ASNS: variants seen among roughly 807,000 people sequenced by gnomAD.
The protein encoded by ASNS is asparagine synthetase [glutamine-hydrolyzing].
ASNS carries 37 observed loss-of-function variants against 62.6 expected under a neutral mutation model. That is an observed-to-expected ratio of 0.59 (90% CI 0.45 to 0.78). ASNS has a LOEUF of 0.78. ASNS is among the 30% of genes least tolerant of loss of function. The pLI is 0.00. For missense variants in ASNS, 520 were observed against 682.4 expected, an observed-to-expected ratio of 0.76 and a Z score of 2.65; for synonymous variants, 207 against 237.9, an observed-to-expected ratio of 0.87 and a Z score of 1.19.
At chr7:97,853,001 A>T in intron 12 of ASNS, 59 bp downstream of exon 12, 1 of 1,456,924 alleles carries the variant, frequency 6.9e-7, no homozygotes, top group Middle Eastern at 2.5e-4. Context: ...AATGAACAGC[A>T]ATGACAGCTC....
At chr7:97,896,726 A>ACACACAC in the ASNS span, among the ~76,000 whole-genome samples, 69 of 50,698 alleles carry the variant, frequency 1.4e-3, 1 homozygote, top group African/African-American at 4.6e-3. Flanking sequence ...ACACACACAC[A>ACACACAC]CACACACACA....
chr7:97,896,011 T>C, the ASNS span, among the ~76,000 whole-genome samples: 1 of 149,514 alleles, frequency 6.7e-6, no homozygotes, highest in Non-Finnish European at 1.5e-5. Flanking sequence ...ACAAAAAACC[T>C]CTACAATGAA....
the ASNS span, among the ~76,000 whole-genome samples, chr7:97,911,868 A>G: frequency 3.3e-5 from 5 of 152,138 alleles, no homozygotes; most frequent in African/African-American, 1.2e-4. Flanking sequence ...AAGATGAGTC[A>G]TGCCTTCAGC....
At chr7:97,894,754 C>T in the ASNS span, among the ~76,000 whole-genome samples, 2 of 152,082 alleles carry the variant, frequency 1.3e-5, no homozygotes, top group Non-Finnish European at 2.9e-5. Flanking sequence ...AAGAGAAAAG[C>T]CCTAGACTAG....
chr7:97,904,283 T>TTC, the ASNS span, among the ~76,000 whole-genome samples: 27 of 88,174 alleles, frequency 3.1e-4, no homozygotes, highest in African/African-American at 1.2e-3. Context: ...AACTACCAGT[T>TTC]TCACACACAC....
the ASNS span, among the ~76,000 whole-genome samples, chr7:97,919,257 AG>A: frequency 6.6e-6 from 1 of 152,234 alleles, no homozygotes; most frequent in East Asian, 1.9e-4. Context: ...CTAGGATTAC[AG>A]GTGCACACCA....
In ASNS at chr7:97,852,459, C is replaced by T. The variant is rs543190840; in HGVS notation, c.1486G>A (p.Ala496Thr). 1 of 1,614,086 alleles carries T rather than the reference C, an allele frequency of 6.2e-7. No homozygotes were observed. Among genetic ancestry groups the T allele is most frequent in the Admixed American group, 1.7e-5 (1 of 60,008 alleles). Residue 496 changes from alanine (A) to threonine (T), a missense_variant, in exon 13 of 13, where the codon GCA (alanine) becomes ACA (threonine). Physicochemically the swap from Ala to Thr is moderately conservative, Grantham distance 58. Transcript: ENST00000394308. Reference sequence around the variant, plus strand: ...TTCTGGGCTGCATTTGCCATCATTGCATCATCAACCTGTAAGAATAAGCAT... The same window carrying T: ...TTCTGGGCTGCATTTGCCATCATTGTATCATCAACCTGTAAGAATAAGCAT... ...QEYVEHQVDDAMMANAAQKFP... is the reference protein window; with the variant it reads ...QEYVEHQVDDTMMANAAQKFP...
chr7:97,906,863 A>G, the ASNS span: 1 of 152,144 alleles, frequency 6.6e-6, no homozygotes, highest in African/African-American at 2.4e-5. Context: ...AGTCAGGAGA[A>G]GATTGATATC....
At chr7:97,908,005 T>A in the ASNS span, among the ~76,000 whole-genome samples, 1 of 152,074 alleles carries the variant, frequency 6.6e-6, no homozygotes, top group Non-Finnish European at 1.5e-5. Context: ...AACTTGTGAA[T>A]TGAATGACCA....
the ASNS span, among the ~76,000 whole-genome samples, chr7:97,883,880 T>C: frequency 6.7e-6 from 1 of 149,452 alleles, no homozygotes; most frequent in Non-Finnish European, 1.5e-5. Context: ...CGCAGCTACT[T>C]GGGAGACTGA....
the ASNS span, among the ~76,000 whole-genome samples, chr7:97,923,550 C>T: frequency 1.3e-5 from 2 of 152,118 alleles, no homozygotes; most frequent in African/African-American, 2.4e-5. Context: ...CCATCTTGTC[C>T]GTCTCCACTC....
the ASNS span, among the ~76,000 whole-genome samples, chr7:97,894,879 G>A: frequency 6.6e-6 from 1 of 152,292 alleles, no homozygotes; most frequent in South Asian, 2.1e-4. Flanking sequence ...TATAAGGCCA[G>A]CATTACCCTG....
At chr7:97,896,522 G>A in the ASNS span, among the ~76,000 whole-genome samples, 5 of 147,094 alleles carry the variant, frequency 3.4e-5, no homozygotes, top group South Asian at 2.2e-4. Context: ...GCATGAACCC[G>A]GGAGGAAGAG....
chr7:97,897,745 C>T, the ASNS span, among the ~76,000 whole-genome samples: 50 of 152,194 alleles, frequency 3.3e-4, 1 homozygote, highest in East Asian at 8.9e-3. Context: ...TGCAGCAATC[C>T]CACTCCTGGG....
intron 7 of ASNS, among the ~76,000 whole-genome samples, chr7:97,857,844 C>T (rs547849081): frequency 1.3e-5 from 2 of 151,960 alleles, no homozygotes; most frequent in East Asian, 3.9e-4. Context: ...TCCCATAAGG[C>T]TAAGACTACA....
intron 8 of ASNS, among the ~76,000 whole-genome samples, chr7:97,855,900 G>A (rs1791413546): frequency 6.6e-6 from 1 of 152,090 alleles, no homozygotes; most frequent in Non-Finnish European, 1.5e-5. Context: ...CATAAAGCTG[G>A]GGAGACTATA....
At chr7:97,856,875 C>G in intron 7 of ASNS, 59 bp from the exon 8 acceptor site, 1 of 1,483,750 alleles carries the variant, frequency 6.7e-7, no homozygotes, top group Non-Finnish European at 9.2e-7. Flanking sequence ...CCTTGAAAAT[C>G]AAACATGATG....
chr7:97,879,799 C>T, the ASNS span, among the ~76,000 whole-genome samples: 5 of 152,180 alleles, frequency 3.3e-5, no homozygotes, highest in Admixed American at 6.5e-5. Context: ...TGTCTCAAGC[C>T]ACAAAGTTTG....
the ASNS span, among the ~76,000 whole-genome samples, chr7:97,880,574 G>T: frequency 1.3e-5 from 2 of 152,144 alleles, no homozygotes; most frequent in East Asian, 3.9e-4. Flanking sequence ...GTACAGTCCT[G>T]GGCCCCACGC....
Sources: allele counts gnomAD v4.1 joint callset (sites outside exome capture counted in the v4.1 genomes callset), GRCh38; gene constraint gnomAD v4.1.1; transcripts MANE v1.5; gene names NCBI Gene and HGNC (gene_info 2026-07-23, HGNC 2026-07-21).